FHIP1A: variants seen among roughly 807,000 people sequenced by gnomAD.
The protein encoded by FHIP1A is FHF complex subunit HOOK-interacting protein 1A.
Under a neutral mutation model 88.6 loss-of-function variants are expected in FHIP1A, and 61 were observed. The observed-to-expected ratio is 0.69, with a 90% CI of 0.56 to 0.85. FHIP1A has a LOEUF of 0.85. Ranked by LOEUF, FHIP1A falls within the 40% of genes least tolerant of loss-of-function variation. The pLI is 0.00. For synonymous variants in FHIP1A, 478 were observed against 496.0 expected, an observed-to-expected ratio of 0.96 and a Z score of 0.48; for missense variants, 1,154 against 1,273.5, an observed-to-expected ratio of 0.91 and a Z score of 1.43.
chr4:151,496,716 C>CTTTTTTTT (rs58538673), intron 3 of FHIP1A, among the ~76,000 whole-genome samples: 24,084 of 100,616 alleles, frequency 0.24, 3,883 homozygotes, highest in Non-Finnish European at 0.3. Flanking sequence ...CCACGTCCAG[C>CTTTTTTTT]TTTTTTTTTT....
At chr4:151,418,172 T>TAAAAAAAAAAA (rs1040622837) in intron 1 of FHIP1A, among the ~76,000 whole-genome samples, 2 of 77,942 alleles carry the variant, frequency 2.6e-5, no homozygotes, top group African/African-American at 5.1e-5. Context: ...AACCTATCTC[T>TAAAAAAAAAAA]AAAAAAAAAA....
At chr4:151,606,445 T>A (rs1484631235) in intron 7 of FHIP1A, among the ~76,000 whole-genome samples, 1 of 152,204 alleles carries the variant, frequency 6.6e-6, no homozygotes, top group African/African-American at 2.4e-5. Flanking sequence ...CACCTTGGCT[T>A]TGGAATTTTT....
chr4:151,416,446 T>C (rs1017449445), intron 1 of FHIP1A, among the ~76,000 whole-genome samples: 22 of 152,180 alleles, frequency 1.4e-4, no homozygotes, highest in Middle Eastern at 3.2e-3. Context: ...TAGAAAAATA[T>C]GTTTACAAAT....
intron 9 of FHIP1A, among the ~76,000 whole-genome samples, chr4:151,642,451 AG>A (rs1382713680): frequency 6.6e-6 from 1 of 151,216 alleles, no homozygotes; most frequent in Non-Finnish European, 1.5e-5. Flanking sequence ...TTTGGAGGAA[AG>A]GAAAACAACA....
intron 3 of FHIP1A, among the ~76,000 whole-genome samples, chr4:151,537,337 G>T (rs535876880): frequency 6.6e-6 from 1 of 152,140 alleles, no homozygotes; most frequent in South Asian, 2.1e-4. Context: ...ATATATCTTT[G>T]TGGTTTTAAT....
chr4:151,604,803 C>A (rs1219043895), intron 7 of FHIP1A, among the ~76,000 whole-genome samples: 4 of 151,022 alleles, frequency 2.6e-5, no homozygotes, highest in Admixed American at 2.6e-4. Context: ...GAGCTGAGAT[C>A]GCGCCACTGT....
rs555939148 is a variant in FHIP1A, at chr4:151,525,768, T to A, written c.-122-40370T>A. ...CTTCTTTTTTTTTTTTTTTCATTTT[T>A]AATTTTTTATTGATCATTCTTGGGT... On this transcript the variant is annotated intron_variant, in intron 3 of 13. Coordinates refer to ENST00000435205, the MANE Select transcript of FHIP1A (RefSeq NM_001109977.3). 3.9e-5 allele frequency among the ~76,000 whole-genome samples: 6 copies of A among 152,178 alleles called. No individual in the cohort carries two copies. In the East Asian group the frequency reaches 1.2e-3, roughly 29 times the overall value.
intron 3 of FHIP1A, among the ~76,000 whole-genome samples, chr4:151,514,314 G>A (rs1731147769): frequency 6.6e-6 from 1 of 151,816 alleles, no homozygotes; most frequent in Non-Finnish European, 1.5e-5. Context: ...GTGTGTAGAG[G>A]GAAATTTATA....
intron 1 of FHIP1A, among the ~76,000 whole-genome samples, chr4:151,430,348 A>G (rs2709822): frequency 0.51 from 76,946 of 152,072 alleles, 19,735 homozygotes; most frequent in Non-Finnish European, 0.55. Flanking sequence ...GTTGAGTTCT[A>G]TGCTTAAGAA....
chr4:151,631,344 C>T (rs1057394390), intron 8 of FHIP1A, among the ~76,000 whole-genome samples: 5 of 151,964 alleles, frequency 3.3e-5, no homozygotes, highest in Admixed American at 6.6e-5. Context: ...GGACCATGAG[C>T]AACTATATGC....
chr4:151,591,093 CTT>C (rs552966792), intron 7 of FHIP1A, among the ~76,000 whole-genome samples: 11 of 140,820 alleles, frequency 7.8e-5, no homozygotes, highest in Admixed American at 2.1e-4. Flanking sequence ...TGTTGGTTTG[CTT>C]TTTTTTTTTT....
chr4:151,533,294 G>A (rs1731947598), intron 3 of FHIP1A, among the ~76,000 whole-genome samples: 1 of 152,128 alleles, frequency 6.6e-6, no homozygotes, highest in African/African-American at 2.4e-5. Context: ...TACTGGGCTG[G>A]TGGTCGGGGT....
intron 8 of FHIP1A, among the ~76,000 whole-genome samples, chr4:151,635,863 G>A (rs906230949): frequency 7.2e-5 from 11 of 151,874 alleles, no homozygotes; most frequent in Admixed American, 6.6e-4. Context: ...TCATTAAGAC[G>A]TTAAATTTTA....
chr4:151,656,448 T>C lies in FHIP1A; in HGVS notation c.2730+38T>C. On this transcript the variant is annotated intron_variant, in intron 12 of 13. Coordinates refer to ENST00000435205, the MANE Select transcript of FHIP1A (RefSeq NM_001109977.3). This position sits in a 1 kb window ranked among gnomAD's most constrained non-coding sequence, Gnocchi z 4.2. ...AACCCACATCCACACCTGTTGATTT[T>C]GTGGGTGCTAATTTGCAGGGCATCT... 1 of 1,533,814 alleles carries C rather than the reference T, an allele frequency of 6.5e-7. No homozygotes were observed. The highest frequency in any genetic ancestry group is 2.5e-5 in the East Asian group (1 of 40,720).
chr4:151,497,413 G>T (rs1010564328), intron 3 of FHIP1A, among the ~76,000 whole-genome samples: 1 of 152,052 alleles, frequency 6.6e-6, no homozygotes, highest in Admixed American at 6.6e-5. Context: ...CACTAGCTAA[G>T]AATAGTTTTT....
chr4:151,569,079 G>C (rs972150140), intron 4 of FHIP1A, among the ~76,000 whole-genome samples: 1 of 152,160 alleles, frequency 6.6e-6, no homozygotes, highest in African/African-American at 2.4e-5. Context: ...TGGGAAAAGA[G>C]CTCCAGTTTG....
chr4:151,580,842 A>ATTATTTAT (rs776298061), intron 5 of FHIP1A, among the ~76,000 whole-genome samples: 3 of 151,464 alleles, frequency 2.0e-5, no homozygotes, highest in Admixed American at 2.0e-4. Flanking sequence ...AACATGTTGA[A>ATTATTTAT]TTATTTATTT....
chr4:151,653,781 A>C (rs550501332), intron 11 of FHIP1A, among the ~76,000 whole-genome samples: 1 of 152,228 alleles, frequency 6.6e-6, no homozygotes, highest in East Asian at 1.9e-4. Flanking sequence ...CACGGAATCA[A>C]TGGCCGCTCC....
In FHIP1A at chr4:151,663,770, G is replaced by A. The variant is rs1298460062; in HGVS notation, c.*1016G>A. 6.6e-6 allele frequency: 1 copy of A among 152,138 alleles called. No individual in the cohort carries two copies. The highest frequency in any genetic ancestry group is 1.5e-5 in the Non-Finnish European group (1 of 68,032). 9.4% of individuals were successfully genotyped at this position (152,138 alleles called of 1,614,324 possible). A position where few individuals can be genotyped will look rare whatever the true frequency, so the allele number is the denominator to read the frequency against. On this transcript the variant is annotated 3_prime_UTR_variant, in exon 14 of 14. Transcript: ENST00000435205. ...TTGCTAGTAAGCTGCACTTTGTAGA[G>A]AAACAGGAACTGTACAGCCCACTTT...
Sources: gnomAD v4.1 joint callset for allele counts (sites outside exome capture counted in the v4.1 genomes callset) on GRCh38, gnomAD v4.1.1 for gene constraint, Gnocchi (gnomAD v3.1) non-coding constraint, MANE v1.5 for transcripts, NCBI Gene and HGNC (gene_info 2026-07-23, HGNC 2026-07-21) for gene names.